Variants in POC1B observed in about 807,000 individuals in gnomAD.
POC1B encodes the protein POC1 centriolar protein homolog B.
A neutral mutation model predicts 60.6 loss-of-function variants in POC1B; 44 were observed. That is an observed-to-expected ratio of 0.73 (90% CI 0.57 to 0.93). POC1B has a LOEUF of 0.93. POC1B is among the 40% of genes least tolerant of loss of function. The pLI, the probability that POC1B is intolerant of heterozygous loss-of-function variation, is 0.00. For missense variants in POC1B, 555 were observed against 572.3 expected (o/e 0.97, Z 0.31); for synonymous variants, 180 against 198.9 (o/e 0.90, Z 0.80).
the POC1B span, among the ~76,000 whole-genome samples, chr12:89,409,423 A>G: frequency 6.6e-6 from 1 of 152,210 alleles, no homozygotes; most frequent in Non-Finnish European, 1.5e-5. Context: ...ATCAAAGATC[A>G]GATGGTTGTA....
At chr12:89,438,988 G>A (rs1456832672) in intron 10 of POC1B, among the ~76,000 whole-genome samples, 1 of 152,160 alleles carries the variant, frequency 6.6e-6, no homozygotes, top group Non-Finnish European at 1.5e-5. Flanking sequence ...GCACATCATT[G>A]TATAAGCTAA....
chr12:89,511,600 C>A lies in POC1B; in HGVS notation c.100+13520G>T, dbSNP rs77504306. Among the ~76,000 whole-genome samples the A allele has an allele frequency of 4.0e-3, 607 of 152,242 alleles. 5 individuals carry two copies. The highest frequency in any genetic ancestry group is 0.034 in the Middle Eastern group (10 of 294). ...TGGTGCCATGACTTTGTACTTCATG[C>A]TGCATTTCCAGGTTCATGCTTGCCT... On this transcript the variant is annotated intron_variant, in intron 2 of 11. Coordinates refer to ENST00000313546, the MANE Select transcript of POC1B (RefSeq NM_172240.3).
intron 10 of POC1B, among the ~76,000 whole-genome samples, chr12:89,449,494 TAAAC>T (rs1471810023): frequency 3.9e-5 from 6 of 152,136 alleles, no homozygotes; most frequent in Admixed American, 1.3e-4. Flanking sequence ...TTATGTCAAT[TAAAC>T]AATAAATAAA....
At chr12:89,459,935 C>A in intron 9 of POC1B, 2 of 484,722 alleles carry the variant, frequency 4.1e-6, no homozygotes, top group Admixed American at 3.4e-5. Context: ...GAATTCACCC[C>A]AGAAATAAAA....
chr12:89,476,697 AATAGATAGATAGATAG>A (rs754459068), intron 4 of POC1B, among the ~76,000 whole-genome samples: 2,261 of 139,962 alleles, frequency 0.016, 24 homozygotes, highest in Non-Finnish European at 0.021. Flanking sequence ...AGACTGTCTC[AATAGATAGATAGATAG>A]ATAGATAGAT....
At chr12:89,500,103 C>A (rs990350643) in intron 2 of POC1B, 10 of 1,441,328 alleles carry the variant, frequency 6.9e-6, no homozygotes, top group Non-Finnish European at 8.7e-6. Context: ...ATGGCTGTGT[C>A]GGGTCTGGAT....
intron 7 of POC1B, among the ~76,000 whole-genome samples, chr12:89,469,042 A>G (rs1211628355): frequency 6.6e-6 from 1 of 152,200 alleles, no homozygotes; most frequent in African/African-American, 2.4e-5. Flanking sequence ...AGGCAGGCAG[A>G]TTACCTGAGG....
rs754380979 is a variant in POC1B, at chr12:89,524,434, C to T, written c.100+686G>A. 6 of 1,613,946 alleles carry T rather than the reference C, an allele frequency of 3.7e-6. No homozygotes were observed. The South Asian group carries it at 5.5e-5, about 15-fold the overall frequency. ...TCTTGACCCCAGCTCCCTGGCACGGCCGGCTCCTGCGGAGGCATGAAAAGT... is the reference window on the plus strand; with the variant it reads ...TCTTGACCCCAGCTCCCTGGCACGGTCGGCTCCTGCGGAGGCATGAAAAGT... On this transcript the variant is annotated intron_variant, in intron 2 of 11. Transcript: ENST00000313546.
intron 4 of POC1B, among the ~76,000 whole-genome samples, chr12:89,481,992 C>T (rs1176655712): frequency 6.6e-6 from 1 of 152,156 alleles, no homozygotes; most frequent in Non-Finnish European, 1.5e-5. Context: ...ACTTAACACT[C>T]TTTAGACAAC....
chr12:89,477,926 C>T (rs1883180944), intron 4 of POC1B, among the ~76,000 whole-genome samples: 1 of 152,084 alleles, frequency 6.6e-6, no homozygotes, highest in Non-Finnish European at 1.5e-5. Flanking sequence ...ACACTGCCCC[C>T]TAGTCTTTAC....
intron 2 of POC1B, among the ~76,000 whole-genome samples, chr12:89,510,839 C>T (rs34849501): frequency 0.28 from 41,679 of 148,606 alleles, 6,330 homozygotes; most frequent in Non-Finnish European, 0.35. Flanking sequence ...CTCACTGCGG[C>T]CTCTGCCTCC....
At chr12:89,445,477 G>A (rs1881739036) in intron 10 of POC1B, among the ~76,000 whole-genome samples, 1 of 152,124 alleles carries the variant, frequency 6.6e-6, no homozygotes, top group South Asian at 2.1e-4. Flanking sequence ...TCTGATCTTT[G>A]ATAAACCTGA....
chr12:89,464,649 A>C (rs531453540), intron 9 of POC1B, among the ~76,000 whole-genome samples: 2 of 151,450 alleles, frequency 1.3e-5, no homozygotes, highest in African/African-American at 4.8e-5. Context: ...CACCACACCC[A>C]GCAAATTTTT....
At chr12:89,511,374 C>T (rs960463114) in intron 2 of POC1B, among the ~76,000 whole-genome samples, 1 of 151,304 alleles carries the variant, frequency 6.6e-6, no homozygotes, top group Non-Finnish European at 1.5e-5. Flanking sequence ...TGAGATGGTG[C>T]CACTGCACTC....
intron 4 of POC1B, among the ~76,000 whole-genome samples, chr12:89,476,747 TAGATAGATAGATAGACAGACAGAC>T (rs1246156817): frequency 4.7e-5 from 6 of 128,710 alleles, no homozygotes; most frequent in African/African-American, 8.8e-5. Flanking sequence ...GATAGATAGA[TAGATAGATAGATAGACAGACAGAC>T]AGACAGACAC....
In POC1B at chr12:89,525,110, T is replaced by G. The variant is rs1402706899; in HGVS notation, c.100+10A>C. 6.2e-7 allele frequency: 1 copy of G among 1,613,966 alleles called. No individual in the cohort carries two copies. Among genetic ancestry groups the G allele is most frequent in the East Asian group, 2.2e-5 (1 of 44,868 alleles). On this transcript the variant is annotated intron_variant, in intron 2 of 11. Transcript: ENST00000313546. ...TCTCATTACAAAAGCAAAACAAGAA[T>G]AAGACTTACCAAGTTGCTTGCCGTT...
chr12:89,432,439 G>A (rs1250687755), intron 10 of POC1B, among the ~76,000 whole-genome samples: 3 of 123,166 alleles, frequency 2.4e-5, no homozygotes, highest in Non-Finnish European at 5.0e-5. Context: ...CATTGGCAAA[G>A]CCCTCTTTGC....
chr12:89,494,464 G>A (rs1869142522), intron 3 of POC1B, among the ~76,000 whole-genome samples: 1 of 152,104 alleles, frequency 6.6e-6, no homozygotes, highest in South Asian at 2.1e-4. Context: ...CACAAAAGGT[G>A]AAGTCTGTTT....
At chr12:89,501,109 G>A in intron 2 of POC1B, 1 of 1,270,880 alleles carries the variant, frequency 7.9e-7, no homozygotes, top group Non-Finnish European at 1.1e-6. Context: ...ATCCCCGGCT[G>A]AGAGCACTGC....
Sources: gnomAD v4.1 joint callset for allele counts (sites outside exome capture counted in the v4.1 genomes callset) on GRCh38, gnomAD v4.1.1 for gene constraint, MANE v1.5 for transcripts, NCBI Gene and HGNC (gene_info 2026-07-23, HGNC 2026-07-21) for gene names.